The following CADM2 variants were observed in gnomAD, a reference collection of about 807,000 sequenced individuals.
CADM2 encodes cell adhesion molecule 2.
In CADM2, 12 loss-of-function variants were observed where a neutral mutation model predicts 49.8. The ratio of observed to expected loss-of-function variants is 0.24; its 90% CI spans 0.15 to 0.39. The LOEUF is 0.39. CADM2 is among the 10% of genes least tolerant of loss of function. The probability of loss-of-function intolerance (pLI) is 1.00; values close to 1 mark genes in which losing one functional copy is unlikely to be tolerated. For synonymous variants in CADM2, 214 were observed against 175.4 expected (o/e 1.22, Z -1.74); for missense variants, 378 against 492.3 (o/e 0.77, Z 2.20).
At chr3:85,170,511 G>C (rs554502851) in intron 1 of CADM2, among the ~76,000 whole-genome samples, 1 of 151,860 alleles carries the variant, frequency 6.6e-6, no homozygotes, top group Non-Finnish European at 1.5e-5. Flanking sequence ...GCTAATTTTC[G>C]TATTTTTGGT....
intron 1 of CADM2, among the ~76,000 whole-genome samples, chr3:85,604,852 G>GTGATACA (rs997306201): frequency 5.9e-5 from 9 of 151,960 alleles, no homozygotes; most frequent in African/African-American, 1.9e-4. Flanking sequence ...TCAAACAGCT[G>GTGATACA]TGATACATGC....
chr3:85,552,103 C>T (rs987058156), intron 1 of CADM2, among the ~76,000 whole-genome samples: 3 of 152,038 alleles, frequency 2.0e-5, no homozygotes, highest in Admixed American at 6.5e-5. Context: ...GCTAAATAAA[C>T]GTCATTTCTG....
chr3:85,477,713 A>G (rs1185852872), intron 1 of CADM2, among the ~76,000 whole-genome samples: 3 of 151,796 alleles, frequency 2.0e-5, no homozygotes, highest in Admixed American at 6.6e-5. Context: ...TTGTTTGCAC[A>G]ATCTAGATAT....
At chr3:85,116,174 A>T (rs1262552052) in intron 1 of CADM2, among the ~76,000 whole-genome samples, 1 of 152,132 alleles carries the variant, frequency 6.6e-6, no homozygotes, top group Non-Finnish European at 1.5e-5. Context: ...TAAAAATACA[A>T]AAATTAGCTG....
intron 1 of CADM2, among the ~76,000 whole-genome samples, chr3:85,492,029 A>T (rs1190075441): frequency 6.6e-6 from 1 of 152,146 alleles, no homozygotes; most frequent in African/African-American, 2.4e-5. Flanking sequence ...GGAAAAGAAA[A>T]TTGCTCTTTT....
intron 1 of CADM2, among the ~76,000 whole-genome samples, chr3:85,249,980 G>T (rs1009524989): frequency 7.9e-5 from 12 of 151,736 alleles, no homozygotes; most frequent in Admixed American, 5.3e-4. Flanking sequence ...TAACATAAAA[G>T]AAGGTAAATG....
intron 1 of CADM2, among the ~76,000 whole-genome samples, chr3:85,429,736 A>C (rs965590632): frequency 7.2e-5 from 11 of 152,190 alleles, no homozygotes; most frequent in Admixed American, 6.5e-4. Flanking sequence ...ATTATAAAAC[A>C]ATTATAATCT....
intron 3 of CADM2, among the ~76,000 whole-genome samples, chr3:85,866,637 A>G (rs2075731569): frequency 6.6e-6 from 1 of 152,078 alleles, no homozygotes; most frequent in African/African-American, 2.4e-5. Flanking sequence ...CTCTATACAT[A>G]TTCAGTGTTT....
At chr3:85,801,242 T>C (rs906333034) in intron 2 of CADM2, among the ~76,000 whole-genome samples, 29 of 152,054 alleles carry the variant, frequency 1.9e-4, no homozygotes, top group African/African-American at 7.0e-4. Context: ...TGAATTACTT[T>C]AACAAATTAG....
At chr3:85,505,796 T>G (rs969048153) in intron 1 of CADM2, among the ~76,000 whole-genome samples, 18 of 152,228 alleles carry the variant, frequency 1.2e-4, no homozygotes. Flanking sequence ...AATGCAGTAA[T>G]TGATTTTCCA....
intron 8 of CADM2, among the ~76,000 whole-genome samples, chr3:85,972,204 T>G (rs540668978): frequency 6.6e-6 from 1 of 151,666 alleles, no homozygotes; most frequent in East Asian, 1.9e-4. Context: ...ATGTCCTTCT[T>G]TTTTTGTACA....
At chr3:85,063,639 C>G (rs11127873) in intron 1 of CADM2, among the ~76,000 whole-genome samples, 88,646 of 151,752 alleles carry the variant, frequency 0.58, 26,719 homozygotes, top group Middle Eastern at 0.65. Context: ...ATTTTAGTTT[C>G]CTTAAAAAAG....
intron 1 of CADM2, among the ~76,000 whole-genome samples, chr3:85,431,069 TTACTGTACCTTTTCTATGTTTAG>T (rs2036640286): frequency 6.6e-6 from 1 of 152,192 alleles, no homozygotes; most frequent in Non-Finnish European, 1.5e-5. Flanking sequence ...TATCACATTT[TTACTGTACCTTTTCTATGTTTAG>T]ATACACAAAT....
At chr3:84,964,367 A>G (rs2030810727) in intron 1 of CADM2, among the ~76,000 whole-genome samples, 3 of 152,216 alleles carry the variant, frequency 2.0e-5, no homozygotes, top group African/African-American at 7.2e-5. Flanking sequence ...TGGTATATCA[A>G]TGATTGAGAC....
intron 1 of CADM2, among the ~76,000 whole-genome samples, chr3:85,122,998 T>C (rs1239479109): frequency 6.6e-6 from 1 of 152,146 alleles, no homozygotes; most frequent in East Asian, 1.9e-4. Context: ...TAATATGACA[T>C]ATTTAAATGT....
chr3:85,236,389 A>G (rs2107825344), intron 1 of CADM2, among the ~76,000 whole-genome samples: 1 of 152,246 alleles, frequency 6.6e-6, no homozygotes. Flanking sequence ...ATACAAAATG[A>G]GAGTAATAAT....
intron 1 of CADM2, among the ~76,000 whole-genome samples, chr3:85,138,828 T>C (rs1258480466): frequency 3.3e-5 from 5 of 152,172 alleles, no homozygotes; most frequent in Non-Finnish European, 7.4e-5. Flanking sequence ...TCACATTTCA[T>C]TGGCTTCAGT....
At chr3:85,714,453 G>A (rs569632199) in intron 1 of CADM2, among the ~76,000 whole-genome samples, 1 of 152,094 alleles carries the variant, frequency 6.6e-6, no homozygotes, top group South Asian at 2.1e-4. Flanking sequence ...TTGAGATGGA[G>A]TCTCACTCTG....
chr3:85,704,065 T>C (rs549743006), intron 1 of CADM2, among the ~76,000 whole-genome samples: 127 of 152,292 alleles, frequency 8.3e-4, no homozygotes, highest in African/African-American at 2.8e-3. Context: ...TATCCACTCA[T>C]CAAAACTGCA....
Sources: gnomAD v4.1 joint callset for allele counts (sites outside exome capture counted in the v4.1 genomes callset) on GRCh38, gnomAD v4.1.1 for gene constraint, MANE v1.5 for transcripts, NCBI Gene and HGNC (gene_info 2026-07-23, HGNC 2026-07-21) for gene names.